The following MATN2 variants were observed in gnomAD, a reference collection of about 807,000 sequenced individuals.
MATN2 encodes the protein matrilin-2.
In MATN2, 69 loss-of-function variants were observed where a neutral mutation model predicts 103.2. The ratio of observed to expected loss-of-function variants is 0.67; its 90% confidence interval spans 0.55 to 0.82. The LOEUF (loss-of-function observed/expected upper bound fraction) is 0.82, where lower values mean the gene tolerates loss of function less well. Among genes scored for constraint, MATN2 ranks in the 40% least tolerant of loss-of-function variants. The probability of loss-of-function intolerance (pLI) is 0.00; values close to 1 mark genes in which losing one functional copy is unlikely to be tolerated. For missense variants in MATN2, 1,023 were observed against 1,211.5 expected (o/e 0.84, Z 2.31); for synonymous variants, 429 against 450.2 (o/e 0.95, Z 0.60).
chr8:97,964,463 C>CT (rs1480178420), intron 5 of MATN2, among the ~76,000 whole-genome samples: 4 of 111,958 alleles, frequency 3.6e-5, no homozygotes, highest in African/African-American at 8.8e-5. Flanking sequence ...TTTTTTTTTT[C>CT]TTTTTTTTGA....
At chr8:98,034,004 C>A (rs1050055863) in intron 18 of MATN2, among the ~76,000 whole-genome samples, 4 of 152,090 alleles carry the variant, frequency 2.6e-5, no homozygotes, top group South Asian at 4.2e-4. Flanking sequence ...GTCTGAAGTG[C>A]ATCAAAGGTA....
At chr8:97,881,543 G>A (rs1818252336) in intron 1 of MATN2, among the ~76,000 whole-genome samples, 1 of 152,218 alleles carries the variant, frequency 6.6e-6, no homozygotes, top group Non-Finnish European at 1.5e-5. Context: ...AAAAGTCAAA[G>A]CCGTTGTATT....
At chr8:98,032,104 A>T in intron 15 of MATN2, 142 bp from the exon 16 acceptor site, 1 of 626,086 alleles carries the variant, frequency 1.6e-6, no homozygotes. Flanking sequence ...TGCTTTTTTG[A>T]ATCTTTGGTG....
chr8:97,898,212 G>T (rs1818875585), intron 2 of MATN2, among the ~76,000 whole-genome samples: 1 of 152,130 alleles, frequency 6.6e-6, no homozygotes, highest in South Asian at 2.1e-4. Flanking sequence ...TTGCTGGCTG[G>T]TGCTTTTAGG....
At chr8:98,022,859 G>A (rs1456277623) in intron 13 of MATN2, among the ~76,000 whole-genome samples, 1 of 152,094 alleles carries the variant, frequency 6.6e-6, no homozygotes, top group African/African-American at 2.4e-5. Context: ...AGGCCAAGAC[G>A]GGCAGATCAC....
At chr8:97,983,840 T>TG (rs1319662802) in intron 6 of MATN2, among the ~76,000 whole-genome samples, 4 of 152,206 alleles carry the variant, frequency 2.6e-5, no homozygotes, top group Non-Finnish European at 4.4e-5. Context: ...AAAGTAGAGA[T>TG]GGGGTCTGCT....
At chr8:97,920,922 A>G (rs1809786131) in intron 2 of MATN2, among the ~76,000 whole-genome samples, 1 of 152,230 alleles carries the variant, frequency 6.6e-6, no homozygotes, top group Non-Finnish European at 1.5e-5. Flanking sequence ...TGTCGGTCAC[A>G]GATGCCAGGG....
At chr8:97,906,583 G>T (rs1014382687) in intron 2 of MATN2, among the ~76,000 whole-genome samples, 2 of 152,204 alleles carry the variant, frequency 1.3e-5, no homozygotes, top group African/African-American at 4.8e-5. Flanking sequence ...ACCAGACACA[G>T]ACTAGATAGA....
In MATN2 at chr8:98,032,307, A is replaced by G; in HGVS notation, c.2571A>G (p.Gln857=). ...CAGGGGAACTGCCAAAAACGGTCCA[A>G]CAGCCAACAGGTACAGTTTTTAAGG... ...SPAGELPKTV[Q]QPTESEPVTI... Residue 857 remains glutamine (Q), a synonymous_variant, in exon 16 of 19, where the codon CAA becomes CAG. Coordinates refer to ENST00000254898, the MANE Select transcript of MATN2 (RefSeq NM_002380.5). 1 of 1,610,428 alleles carries G rather than the reference A, an allele frequency of 6.2e-7. No homozygotes were observed. The highest frequency in any genetic ancestry group is 8.5e-7 in the Non-Finnish European group (1 of 1,178,172).
chr8:97,974,259 C>T (rs892877690), intron 5 of MATN2, among the ~76,000 whole-genome samples: 21 of 152,116 alleles, frequency 1.4e-4, no homozygotes, highest in African/African-American at 4.6e-4. Context: ...CCACCTCAGC[C>T]TCCAGAGTAA....
At chr8:97,884,883 T>C (rs1314107260) in intron 1 of MATN2, among the ~76,000 whole-genome samples, 6 of 152,218 alleles carry the variant, frequency 3.9e-5, no homozygotes, top group African/African-American at 1.4e-4. Context: ...TATGAACCGA[T>C]TGATTCTATA....
Position 97,924,723 on chromosome 8 carries a change from GT to G in MATN2, c.143-6215del, listed in dbSNP as rs3076718. ...ATCTGTTTTCATCATATTATTAAGT[GT>G]TTTTTTTTTTTTTTCAGCACTTGGC... On this transcript the variant is annotated intron_variant, in intron 2 of 18. Transcript: ENST00000254898. Among the ~76,000 whole-genome samples the G allele has an allele frequency of 7.5e-3, 1,072 of 143,062 alleles. 6 individuals carry two copies. The highest frequency in any genetic ancestry group is 0.021 in the Middle Eastern group (6 of 282). The allele number at this position is 143,062 out of a possible 152,430, so 93.9% of individuals were successfully genotyped here.
intron 15 of MATN2, chr8:98,032,045 T>TA (rs1231170973): frequency 2.3e-6 from 1 of 428,816 alleles, no homozygotes; most frequent in Non-Finnish European, 4.1e-6. Context: ...AAGCTTCTCT[T>TA]ACGAGAGAGA....
At chr8:97,978,067 C>T (rs889260001) in intron 5 of MATN2, among the ~76,000 whole-genome samples, 3 of 152,176 alleles carry the variant, frequency 2.0e-5, no homozygotes, top group Non-Finnish European at 4.4e-5. Context: ...TTATCTGCTC[C>T]CCACTCCCAG....
At chr8:98,001,567 C>A (rs768349766) in intron 7 of MATN2, among the ~76,000 whole-genome samples, 1 of 150,128 alleles carries the variant, frequency 6.7e-6, no homozygotes, top group African/African-American at 2.5e-5. Flanking sequence ...TGGGTTCAAG[C>A]GATTCTCATG....
chr8:97,869,111 A>G lies in MATN2; in HGVS notation c.-203A>G, dbSNP rs1817804501. 1 of 152,280 alleles carries G rather than the reference A, an allele frequency of 6.6e-6. No homozygotes were observed. The highest frequency in any genetic ancestry group is 2.4e-5 in the African/African-American group (1 of 41,410). The allele number at this position is 152,280 out of a possible 1,614,324, so 9.4% of individuals were successfully genotyped here. ...AGCGAAGGGAGCGCTCTGGGATGGG[A>G]CTTGGAGCAAGCGGCGGCGGCGGAG... On this transcript the variant is annotated 5_prime_UTR_variant, in exon 1 of 19. Transcript: ENST00000254898.
chr8:97,913,405 C>G (rs1001865446), intron 2 of MATN2, among the ~76,000 whole-genome samples: 1 of 151,372 alleles, frequency 6.6e-6, no homozygotes, highest in Non-Finnish European at 1.5e-5. Flanking sequence ...GCCTCTGCCT[C>G]CCGGGTTCAA....
At chr8:97,913,061 A>AG in intron 2 of MATN2, among the ~76,000 whole-genome samples, 1 of 152,306 alleles carries the variant, frequency 6.6e-6, no homozygotes, top group South Asian at 2.1e-4. Flanking sequence ...AGCAGACACC[A>AG]GAACACGAAG....
At chr8:97,935,888 T>C (rs1017689201) in intron 3 of MATN2, among the ~76,000 whole-genome samples, 5 of 152,160 alleles carry the variant, frequency 3.3e-5, no homozygotes, top group Non-Finnish European at 4.4e-5. Context: ...CTGGGTGTGA[T>C]CAAGGCAGGA....
Sources: allele counts gnomAD v4.1 joint callset (sites outside exome capture counted in the v4.1 genomes callset), GRCh38; gene constraint gnomAD v4.1.1; transcripts MANE v1.5; gene names NCBI Gene and HGNC (gene_info 2026-07-23, HGNC 2026-07-21).